Variants in PTDSS1 observed in about 807,000 individuals in gnomAD.
The protein encoded by PTDSS1 is phosphatidylserine synthase 1, also known as PSS-1.
PTDSS1 carries 45 observed loss-of-function variants against 70.5 expected under a neutral mutation model. The observed-to-expected ratio is 0.64, with a 90% confidence interval of 0.50 to 0.82. The LOEUF (loss-of-function observed/expected upper bound fraction) is 0.82, where lower values mean the gene tolerates loss of function less well. Ranked by LOEUF, PTDSS1 falls within the 40% of genes least tolerant of loss-of-function variation. PTDSS1 has a pLI of 0.00. For synonymous variants in PTDSS1, 188 were observed against 203.8 expected (o/e 0.92, Z 0.66); for missense variants, 417 against 586.1 (o/e 0.71, Z 2.98).
chr8:96,276,947 T>C (rs1810651473), intron 2 of PTDSS1, among the ~76,000 whole-genome samples: 1 of 146,856 alleles, frequency 6.8e-6, no homozygotes, highest in Non-Finnish European at 1.5e-5. Context: ...TCCTTTCTTC[T>C]CCTCCCGGGC....
intron 1 of PTDSS1, among the ~76,000 whole-genome samples, chr8:96,269,397 A>G (rs1164161130): frequency 1.3e-5 from 2 of 152,194 alleles, no homozygotes; most frequent in Admixed American, 1.3e-4. Context: ...GGCACTGCAG[A>G]CTGGGGCATT....
intron 10 of PTDSS1, among the ~76,000 whole-genome samples, chr8:96,329,774 A>G (rs1023028700): frequency 6.6e-6 from 1 of 152,178 alleles, no homozygotes; most frequent in Non-Finnish European, 1.5e-5. Flanking sequence ...GTGGGCCCTC[A>G]GGTGCCGCTG....
chr8:96,330,657 C>T (rs981207970), intron 11 of PTDSS1: 8 of 366,642 alleles, frequency 2.2e-5, no homozygotes, highest in Admixed American at 8.5e-5. Context: ...TCTGGGCAAA[C>T]GCTTGCCCTG....
At chr8:96,276,372 C>A (rs1163483718) in intron 2 of PTDSS1, among the ~76,000 whole-genome samples, 2 of 152,228 alleles carry the variant, frequency 1.3e-5, no homozygotes, top group East Asian at 3.8e-4. Context: ...CTCTAATCTT[C>A]AAAGTTGACT....
At chr8:96,300,553 A>G (rs929014121) in intron 6 of PTDSS1, among the ~76,000 whole-genome samples, 2 of 152,226 alleles carry the variant, frequency 1.3e-5, no homozygotes, top group African/African-American at 4.8e-5. Context: ...CTGCTTTGTT[A>G]AACTTGCTTC....
At chr8:96,286,268 C>T (rs189183957) in intron 3 of PTDSS1, among the ~76,000 whole-genome samples, 48 of 152,334 alleles carry the variant, frequency 3.2e-4, no homozygotes, top group African/African-American at 1.0e-3. Flanking sequence ...CCCTCGTGAT[C>T]GTTTCTGAAA....
intron 10 of PTDSS1, among the ~76,000 whole-genome samples, chr8:96,320,833 C>T (rs757970537): frequency 5.9e-5 from 9 of 152,212 alleles, no homozygotes; most frequent in East Asian, 1.9e-4. Flanking sequence ...CACGTTATAA[C>T]CCAAGCCTGG....
intron 1 of PTDSS1, among the ~76,000 whole-genome samples, chr8:96,271,214 C>T (rs1810561172): frequency 1.3e-5 from 2 of 152,148 alleles, no homozygotes; most frequent in South Asian, 4.1e-4. Context: ...CCAGTGACAT[C>T]CTGTGCAAGC....
intron 9 of PTDSS1, among the ~76,000 whole-genome samples, chr8:96,318,167 A>C (rs1811322719): frequency 6.6e-6 from 1 of 152,034 alleles, no homozygotes; most frequent in South Asian, 2.1e-4. Flanking sequence ...TCTACTAAAA[A>C]TACAAAAATT....
intron 9 of PTDSS1, among the ~76,000 whole-genome samples, chr8:96,319,365 C>T (rs1185530717): frequency 6.6e-6 from 1 of 152,080 alleles, no homozygotes; most frequent in Non-Finnish European, 1.5e-5. Flanking sequence ...TCAACCTCAC[C>T]TCATCCATTC....
At chr8:96,298,871 C>T (rs901065570) in intron 5 of PTDSS1, among the ~76,000 whole-genome samples, 1 of 151,998 alleles carries the variant, frequency 6.6e-6, no homozygotes, top group East Asian at 1.9e-4. Context: ...AAAACTCTGG[C>T]TCAACTGAAA....
intron 4 of PTDSS1, among the ~76,000 whole-genome samples, chr8:96,292,208 G>A (rs762025366): frequency 6.7e-6 from 1 of 148,958 alleles, no homozygotes; most frequent in Non-Finnish European, 1.5e-5. Context: ...GCTGAGACAG[G>A]AGAATCATTT....
At chr8:96,296,161 G>A (rs139671804) in intron 5 of PTDSS1, among the ~76,000 whole-genome samples, 9,752 of 100,248 alleles carry the variant, frequency 0.097, 1,447 homozygotes, top group African/African-American at 0.32. Context: ...TTTTTTTTGC[G>A]ACAGAGTCTT....
chr8:96,276,451 C>T (rs761466524), intron 2 of PTDSS1, among the ~76,000 whole-genome samples: 39 of 152,134 alleles, frequency 2.6e-4, no homozygotes, highest in African/African-American at 8.7e-4. Context: ...AACTGAAGCT[C>T]GGTTTCCTTA....
chr8:96,266,343 G>C (rs1234593501), intron 1 of PTDSS1, among the ~76,000 whole-genome samples: 2 of 152,328 alleles, frequency 1.3e-5, no homozygotes, highest in Admixed American at 6.5e-5. Flanking sequence ...TAGAACTAAG[G>C]AGACAGGCAA....
chr8:96,309,439 C>T (rs1811174368), intron 8 of PTDSS1, 118 bp from the exon 9 acceptor site: 2 of 805,942 alleles, frequency 2.5e-6, no homozygotes, highest in Non-Finnish European at 2.1e-6. Context: ...AGAACTAGAC[C>T]AGGCAGCCTG....
intron 9 of PTDSS1, among the ~76,000 whole-genome samples, chr8:96,313,206 T>TA (rs1811237037): frequency 1.3e-5 from 2 of 152,218 alleles, no homozygotes; most frequent in African/African-American, 4.8e-5. Flanking sequence ...CTATTGTAGC[T>TA]AAATACATGT....
intron 2 of PTDSS1, 121 bp from the exon 3 acceptor site, chr8:96,283,988 A>AG: frequency 1.3e-6 from 1 of 764,750 alleles, no homozygotes; most frequent in East Asian, 2.8e-5. Context: ...AAAAAAAAAA[A>AG]AAACTTTTAA....
chr8:96,310,825 G>C lies in PTDSS1; in HGVS notation c.1073+1203G>C, dbSNP rs537589528. On this transcript the variant is annotated intron_variant, in intron 9 of 12. Coordinates refer to ENST00000517309, the MANE Select transcript of PTDSS1 (RefSeq NM_014754.3). The stretch of plus-strand genomic sequence containing the variant: ...TCTGTCGCCAGGCTGGAGTACAGTG[G>C]CGTGATCTCGGCTCACTGCAACCTC... 2.0e-5 allele frequency among the ~76,000 whole-genome samples: 3 copies of C among 151,992 alleles called. No individual in the cohort carries two copies. In the East Asian group the frequency reaches 5.8e-4, roughly 30 times the overall value.
Sources: gnomAD v4.1 joint callset for allele counts (sites outside exome capture counted in the v4.1 genomes callset) on GRCh38, gnomAD v4.1.1 for gene constraint, MANE v1.5 for transcripts, NCBI Gene and HGNC (gene_info 2026-07-23, HGNC 2026-07-21) for gene names.